TAF4B: variants seen among roughly 807,000 people sequenced by gnomAD.
TAF4B encodes the protein TATA-box binding protein associated factor 4b, also known as transcription initiation factor TFIID subunit 4B.
In TAF4B, 38 loss-of-function variants were observed where a neutral mutation model predicts 86.4. The ratio of observed to expected loss-of-function variants is 0.44; its 90% CI spans 0.34 to 0.58. The LOEUF (loss-of-function observed/expected upper bound fraction) is 0.58. TAF4B is among the 20% of genes least tolerant of loss of function. TAF4B has a pLI of 0.02. For synonymous variants in TAF4B, 388 were observed against 391.2 expected, an observed-to-expected ratio of 0.99 and a Z score of 0.10; for missense variants, 988 against 1,027.6, an observed-to-expected ratio of 0.96 and a Z score of 0.53.
At chr18:26,333,229 A>T (rs1216258918) in intron 12 of TAF4B, among the ~76,000 whole-genome samples, 6 of 149,214 alleles carry the variant, frequency 4.0e-5, no homozygotes, top group Non-Finnish European at 7.4e-5. Context: ...TATTATTATT[A>T]TTTTTTTTGG....
chr18:26,282,550 T>C lies in TAF4B; in HGVS notation c.972+490T>C, dbSNP rs1057224132. ...AATCATCTGAACCTTCAGCAAGTTA[T>C]AATATTTTTGATGGTAAAGAGTCTT... is the stretch of plus-strand genomic sequence containing the variant. On this transcript the variant is annotated intron_variant, in intron 6 of 14. Coordinates refer to ENST00000269142, the MANE Select transcript of TAF4B (RefSeq NM_005640.3). 3.9e-5 allele frequency among the ~76,000 whole-genome samples: 6 copies of C among 151,940 alleles called. No individual in the cohort carries two copies. In the East Asian group the frequency reaches 7.7e-4, roughly 19 times the overall value.
chr18:26,230,417 A>T (rs1236379164), intron 1 of TAF4B, among the ~76,000 whole-genome samples: 1 of 152,176 alleles, frequency 6.6e-6, no homozygotes, highest in Admixed American at 6.5e-5. Context: ...TATCAAAGGG[A>T]TACAGTGTAC....
intron 10 of TAF4B, among the ~76,000 whole-genome samples, chr18:26,318,503 G>A (rs975627308): frequency 6.6e-6 from 1 of 151,996 alleles, no homozygotes; most frequent in African/African-American, 2.4e-5. Context: ...TTTACCCAAA[G>A]ATTTTCTTTT....
chr18:26,255,618 A>AAAAAT, intron 1 of TAF4B: 1 of 794,662 alleles, frequency 1.3e-6, no homozygotes, highest in Non-Finnish European at 2.0e-6. Flanking sequence ...AAAAAAAAAA[A>AAAAAT]GAGGGTCAGT....
intron 1 of TAF4B, among the ~76,000 whole-genome samples, chr18:26,252,753 G>T (rs564361817): frequency 4.9e-4 from 75 of 151,654 alleles, no homozygotes; most frequent in Middle Eastern, 3.4e-3. Flanking sequence ...TACAAGAGTG[G>T]TGATGCTGGT....
chr18:26,320,643 T>C (rs1454869812), intron 10 of TAF4B, among the ~76,000 whole-genome samples: 1 of 152,222 alleles, frequency 6.6e-6, no homozygotes, highest in Non-Finnish European at 1.5e-5. Context: ...AGACTCATAA[T>C]CTGAATTCAT....
chr18:26,380,794 T>C (rs995591361), intron 14 of TAF4B, among the ~76,000 whole-genome samples: 1 of 151,600 alleles, frequency 6.6e-6, no homozygotes, highest in African/African-American at 2.4e-5. Context: ...TAATTGAGTT[T>C]TGATTTTTTT....
intron 10 of TAF4B, among the ~76,000 whole-genome samples, chr18:26,316,988 A>G (rs1479432255): frequency 1.3e-5 from 2 of 151,008 alleles, no homozygotes; most frequent in African/African-American, 4.9e-5. Flanking sequence ...GGTAAAATAT[A>G]AGTAGATACT....
At chr18:26,296,259 T>G (rs1396051583) in intron 9 of TAF4B, among the ~76,000 whole-genome samples, 1 of 152,198 alleles carries the variant, frequency 6.6e-6, no homozygotes, top group African/African-American at 2.4e-5. Flanking sequence ...CAAATGGTGC[T>G]TCTCCCTCTC....
intron 10 of TAF4B, among the ~76,000 whole-genome samples, chr18:26,319,417 T>G (rs993110266): frequency 6.6e-6 from 1 of 151,492 alleles, no homozygotes; most frequent in Non-Finnish European, 1.5e-5. Context: ...GGAATGTTGC[T>G]TGAACCTGGG....
intron 14 of TAF4B, among the ~76,000 whole-genome samples, chr18:26,388,537 A>G (rs1484384754): frequency 6.6e-6 from 1 of 152,188 alleles, no homozygotes; most frequent in Non-Finnish European, 1.5e-5. Context: ...CTATAGTACA[A>G]CGTAAGGTAA....
chr18:26,298,250 TTGCTCTGTCACGCAGGC>T (rs2056688798), intron 9 of TAF4B, among the ~76,000 whole-genome samples: 1 of 151,988 alleles, frequency 6.6e-6, no homozygotes, highest in African/African-American at 2.4e-5. Context: ...AGACAGAGTC[TTGCTCTGTCACGCAGGC>T]TGCAAGGCTG....
intron 8 of TAF4B, 67 bp downstream of exon 8, chr18:26,292,448 T>C: frequency 2.6e-6 from 4 of 1,517,774 alleles, no homozygotes. Context: ...GTATAACTTT[T>C]TTGTTGCTGT....
chr18:26,287,299 C>T (rs899004039), intron 7 of TAF4B, among the ~76,000 whole-genome samples: 2 of 152,198 alleles, frequency 1.3e-5, no homozygotes, highest in Non-Finnish European at 2.9e-5. Flanking sequence ...GCCACTGTAC[C>T]TGGCTCATTT....
chr18:26,331,666 C>T (rs1470268029), intron 12 of TAF4B, among the ~76,000 whole-genome samples: 1 of 152,090 alleles, frequency 6.6e-6, no homozygotes, highest in Non-Finnish European at 1.5e-5. Flanking sequence ...TTCTGTGTCT[C>T]CTCTCTCTCC....
At chr18:26,347,929 T>C (rs2057213635) in intron 13 of TAF4B, among the ~76,000 whole-genome samples, 1 of 152,226 alleles carries the variant, frequency 6.6e-6, no homozygotes, top group African/African-American at 2.4e-5. Context: ...GTAAATATTA[T>C]TAGATCTAAA....
intron 3 of TAF4B, among the ~76,000 whole-genome samples, chr18:26,269,043 C>G (rs771554118): frequency 2.6e-5 from 4 of 151,996 alleles, no homozygotes; most frequent in African/African-American, 9.7e-5. Context: ...AGGCTGGTCT[C>G]GAACTCTTGA....
At chr18:26,346,853 ATATATGTG>A (rs1199837980) in intron 13 of TAF4B, among the ~76,000 whole-genome samples, 12 of 14,082 alleles carry the variant, frequency 8.5e-4, no homozygotes, top group African/African-American at 2.5e-3. Flanking sequence ...GTGTATATAT[ATATATGTG>A]TATATATATA....
chr18:26,233,102 T>A (rs2055696958), intron 1 of TAF4B, among the ~76,000 whole-genome samples: 2 of 152,152 alleles, frequency 1.3e-5, no homozygotes, highest in Non-Finnish European at 2.9e-5. Flanking sequence ...GAATATGGCT[T>A]CGCTGGGTAG....
Sources: allele counts gnomAD v4.1 joint callset (sites outside exome capture counted in the v4.1 genomes callset), GRCh38; gene constraint gnomAD v4.1.1; transcripts MANE v1.5; gene names NCBI Gene and HGNC (gene_info 2026-07-23, HGNC 2026-07-21).